Variants in RTN1 observed in about 807,000 individuals in gnomAD.
The protein encoded by RTN1 is reticulon 1, also known as reticulon-1.
Under a neutral mutation model 65.5 loss-of-function variants are expected in RTN1, and 25 were observed. That is an observed-to-expected ratio of 0.38 (90% CI 0.28 to 0.53). The LOEUF is 0.53. Ranked by LOEUF, RTN1 falls within the 20% of genes least tolerant of loss-of-function variation. RTN1 has a pLI of 0.79. For synonymous variants in RTN1, 471 were observed against 447.6 expected (o/e 1.05, Z -0.66); for missense variants, 983 against 1,025.4 (o/e 0.96, Z 0.57).
intron 3 of RTN1, among the ~76,000 whole-genome samples, chr14:59,685,278 G>C (rs1883824149): frequency 6.6e-6 from 1 of 152,108 alleles, no homozygotes; most frequent in Non-Finnish European, 1.5e-5. Flanking sequence ...GACCACTCTT[G>C]TCACTTCTGT....
intron 2 of RTN1, among the ~76,000 whole-genome samples, chr14:59,731,550 G>A (rs1257523334): frequency 1.3e-5 from 2 of 152,104 alleles, no homozygotes; most frequent in Non-Finnish European, 2.9e-5. Flanking sequence ...TCTAAACTTG[G>A]ATTGTACTAC....
At chr14:59,660,113 T>C (rs1348382073) in intron 3 of RTN1, among the ~76,000 whole-genome samples, 3 of 152,072 alleles carry the variant, frequency 2.0e-5, no homozygotes, top group African/African-American at 7.3e-5. Context: ...AAACAGACTT[T>C]AAACCAACAA....
chr14:59,726,096 G>A (rs536615989), intron 3 of RTN1, among the ~76,000 whole-genome samples: 1 of 152,326 alleles, frequency 6.6e-6, no homozygotes, highest in Non-Finnish European at 1.5e-5. Flanking sequence ...ACTTAGTCAT[G>A]TGACTCTAAT....
rs1289155200 is a variant in RTN1, at chr14:59,608,308, G to T, written c.1766-816C>A. 2.0e-5 allele frequency among the ~76,000 whole-genome samples: 3 copies of T among 152,214 alleles called. No homozygotes were observed. In the East Asian group the frequency reaches 5.8e-4, roughly 29 times the overall value. On this transcript the variant is annotated intron_variant, in intron 3 of 8. Transcript: ENST00000267484. Reference sequence around the variant, plus strand: ...ATTCCCATCTCACAACCAAATGTAAGTGGTAGTGGTTTGTACTGCTAGCTT... The same window carrying T: ...ATTCCCATCTCACAACCAAATGTAATTGGTAGTGGTTTGTACTGCTAGCTT...
chr14:59,630,987 G>C (rs1256001048), intron 3 of RTN1, among the ~76,000 whole-genome samples: 2 of 152,198 alleles, frequency 1.3e-5, no homozygotes, highest in Admixed American at 1.3e-4. Flanking sequence ...AAACCTGCTG[G>C]ACAAGACCAA....
chr14:59,692,798 C>G (rs1015054264), intron 3 of RTN1, among the ~76,000 whole-genome samples: 1 of 152,048 alleles, frequency 6.6e-6, no homozygotes, highest in Non-Finnish European at 1.5e-5. Flanking sequence ...GTTGATATAT[C>G]TTAAATAGAA....
In RTN1 at chr14:59,790,564, T is replaced by C. The variant is rs1886330100; in HGVS notation, c.242-44083A>G. 6.6e-6 allele frequency among the ~76,000 whole-genome samples: 1 copy of C among 152,158 alleles called. No homozygotes were observed. The highest frequency in any genetic ancestry group is 6.5e-5 in the Admixed American group (1 of 15,268). On this transcript the variant is annotated intron_variant, in intron 1 of 8. Coordinates refer to ENST00000267484, the MANE Select transcript of RTN1 (RefSeq NM_021136.3). The surrounding 1 kb of genome is among the most constrained non-coding windows in gnomAD (Gnocchi z 4.1). The stretch of plus-strand genomic sequence containing the variant: ...GGGATTTGGTTTTGTGTGTGAAAGA[T>C]GCCTGAAGAATTCATTCTCTGGCGT...
intron 3 of RTN1, among the ~76,000 whole-genome samples, chr14:59,643,826 C>T (rs989905872): frequency 6.6e-6 from 1 of 151,812 alleles, no homozygotes; most frequent in African/African-American, 2.4e-5. Context: ...ATTATATTAA[C>T]CAAATGTTCA....
intron 3 of RTN1, among the ~76,000 whole-genome samples, chr14:59,642,440 A>T (rs182216105): frequency 1.2e-4 from 18 of 152,052 alleles, no homozygotes; most frequent in African/African-American, 3.6e-4. Flanking sequence ...TATGAAAGCA[A>T]TTTTTCATAT....
intron 5 of RTN1, chr14:59,604,563 T>C (rs999173491): frequency 6.6e-6 from 1 of 152,352 alleles, no homozygotes; most frequent in African/African-American, 2.4e-5. Flanking sequence ...TCAGTCATTA[T>C]ATGGCAAGTC....
At position 59,825,095 on chromosome 14, in the gene RTN1, A is replaced by G. The variant is rs1447849635; in HGVS notation, c.241+45295T>C. Among the ~76,000 whole-genome samples, 2 of 152,256 alleles carry G rather than the reference A, an allele frequency of 1.3e-5. No homozygotes were observed. The highest frequency in any genetic ancestry group is 2.4e-5 in the African/African-American group (1 of 41,466). ...CATAGTGACTCCAGTTAATAATACT[A>G]TAGCGTACACGTGAAATTAACTTGT... On this transcript the variant is annotated intron_variant, in intron 1 of 8. Transcript: ENST00000267484. The surrounding 1 kb of genome is among the most constrained non-coding windows in gnomAD (Gnocchi z 4.2).
intron 3 of RTN1, among the ~76,000 whole-genome samples, chr14:59,647,978 T>C (rs1404913794): frequency 6.6e-6 from 1 of 151,870 alleles, no homozygotes; most frequent in Non-Finnish European, 1.5e-5. Flanking sequence ...TTAAAAGCCA[T>C]GAAAAAATAA....
chr14:59,659,752 G>T (rs1883203425), intron 3 of RTN1, among the ~76,000 whole-genome samples: 1 of 152,162 alleles, frequency 6.6e-6, no homozygotes, highest in Non-Finnish European at 1.5e-5. Flanking sequence ...ACTAAATGTG[G>T]AAAGGAAAAA....
intron 3 of RTN1, among the ~76,000 whole-genome samples, chr14:59,699,629 G>A (rs1264896486): frequency 3.3e-5 from 5 of 152,128 alleles, no homozygotes; most frequent in Non-Finnish European, 5.9e-5. Context: ...TGGACAAAAA[G>A]GAGAAGTTTG....
chr14:59,671,519 A>T (rs1883504369), intron 3 of RTN1, among the ~76,000 whole-genome samples: 1 of 152,226 alleles, frequency 6.6e-6, no homozygotes, highest in South Asian at 2.1e-4. Flanking sequence ...TTTCACATGG[A>T]TTATTTTATT....
intron 1 of RTN1, among the ~76,000 whole-genome samples, chr14:59,763,962 A>G (rs1421584411): frequency 1.3e-5 from 2 of 152,184 alleles, no homozygotes; most frequent in Non-Finnish European, 2.9e-5. Context: ...AATAGTTGCT[A>G]TTGTGAGGAA....
intron 3 of RTN1, among the ~76,000 whole-genome samples, chr14:59,661,386 C>T (rs886546709): frequency 2.0e-5 from 3 of 152,056 alleles, no homozygotes; most frequent in Non-Finnish European, 4.4e-5. Context: ...AGGGAATCCT[C>T]CCTAACTCAT....
intron 1 of RTN1, among the ~76,000 whole-genome samples, chr14:59,850,036 C>G (rs1393552892): frequency 6.6e-6 from 1 of 152,134 alleles, no homozygotes; most frequent in Non-Finnish European, 1.5e-5. Context: ...CCCATTGCTC[C>G]TCTCTTCACC....
intron 3 of RTN1, among the ~76,000 whole-genome samples, chr14:59,678,113 AG>A (rs1883665932): frequency 6.6e-6 from 1 of 152,180 alleles, no homozygotes; most frequent in Non-Finnish European, 1.5e-5. Flanking sequence ...GAAGGGAACA[AG>A]GGCGTCATAT....
Sources: gnomAD v4.1 joint callset for allele counts (sites outside exome capture counted in the v4.1 genomes callset) on GRCh38, gnomAD v4.1.1 for gene constraint, Gnocchi (gnomAD v3.1) non-coding constraint, MANE v1.5 for transcripts, NCBI Gene and HGNC (gene_info 2026-07-23, HGNC 2026-07-21) for gene names.